Variants in GRM5 observed in about 807,000 individuals in gnomAD.
GRM5 encodes metabotropic glutamate receptor 5.
In GRM5, 19 loss-of-function variants were observed where a neutral mutation model predicts 83.1. That is an observed-to-expected ratio of 0.23 (90% confidence interval 0.16 to 0.34). The LOEUF is 0.34. GRM5 is among the 10% of genes least tolerant of loss of function. The pLI is 1.00. For missense variants in GRM5, 1,160 were observed against 1,588.3 expected, an observed-to-expected ratio of 0.73 and a Z score of 4.58; for synonymous variants, 675 against 633.6, an observed-to-expected ratio of 1.07 and a Z score of -0.98.
intron 3 of GRM5, among the ~76,000 whole-genome samples, chr11:88,693,354 A>C (rs1940826456): frequency 6.6e-6 from 1 of 152,200 alleles, no homozygotes; most frequent in Admixed American, 6.5e-5. Flanking sequence ...GTGAGGAGAT[A>C]GGAAAGGGAA....
chr11:88,908,757 C>CT (rs1201818805), intron 2 of GRM5, among the ~76,000 whole-genome samples: 1 of 152,008 alleles, frequency 6.6e-6, no homozygotes, highest in Non-Finnish European at 1.5e-5. Context: ...TGTGAAAATC[C>CT]TTTTAATATC....
rs1446960847 is a variant in GRM5, at chr11:88,602,653, T to C, written c.1394+2065A>G. On this transcript the variant is annotated intron_variant, in intron 5 of 9. Coordinates refer to ENST00000305447, the MANE Select transcript of GRM5 (RefSeq NM_001143831.3). ...TCTTTAAAATTTTGATCCTGGTTGATTAATTGTCAGGCTGTTGTATAATGT... is the reference window on the plus strand; with the variant it reads ...TCTTTAAAATTTTGATCCTGGTTGACTAATTGTCAGGCTGTTGTATAATGT... Among the ~76,000 whole-genome samples, 3 of 152,352 alleles carry C rather than the reference T, an allele frequency of 2.0e-5. No homozygotes were observed. The East Asian group carries it at 5.8e-4, about 29-fold the overall frequency.
In GRM5 at chr11:88,946,991, T is replaced by A. The variant is rs549463381; in HGVS notation, c.662-96836A>T. Among the ~76,000 whole-genome samples the A allele has an allele frequency of 7.9e-5, 12 of 152,248 alleles. No individual in the cohort carries two copies. The South Asian group carries it at 2.3e-3, about 29-fold the overall frequency. ...CCTATGGGGAAAATCTTTGCATAGGTAGACTCACTGAGGAATCTAACAAGT... is the reference window on the plus strand; with the variant it reads ...CCTATGGGGAAAATCTTTGCATAGGAAGACTCACTGAGGAATCTAACAAGT... On this transcript the variant is annotated intron_variant, in intron 2 of 9. Coordinates refer to ENST00000305447, the MANE Select transcript of GRM5 (RefSeq NM_001143831.3).
intron 2 of GRM5, among the ~76,000 whole-genome samples, chr11:88,872,634 A>G (rs899993922): frequency 2.6e-5 from 4 of 151,372 alleles, no homozygotes; most frequent in Middle Eastern, 3.2e-3. Flanking sequence ...ACAGACCTGA[A>G]TCACTGACAC....
intron 3 of GRM5, among the ~76,000 whole-genome samples, chr11:88,848,010 A>T (rs1363838924): frequency 6.6e-6 from 1 of 152,194 alleles, no homozygotes; most frequent in Non-Finnish European, 1.5e-5. Flanking sequence ...TTTCTTATTA[A>T]TGCTGGCAAA....
intron 3 of GRM5, among the ~76,000 whole-genome samples, chr11:88,658,403 A>G (rs539636639): frequency 6.6e-6 from 1 of 152,278 alleles, no homozygotes; most frequent in Non-Finnish European, 1.5e-5. Context: ...ACAGGCATCC[A>G]TGGTTTTTCC....
At chr11:88,790,543 A>C (rs138396816) in intron 3 of GRM5, among the ~76,000 whole-genome samples, 1 of 152,178 alleles carries the variant, frequency 6.6e-6, no homozygotes, top group Admixed American at 6.6e-5. Context: ...TAATATATAG[A>C]ATAGTACTAG....
rs1283886168 is a variant in GRM5, at chr11:88,590,775, T to C, written c.1564-48A>G. On this transcript the variant is annotated intron_variant, in intron 6 of 9. Transcript: ENST00000305447. ...AGATTTTTTTTTGCATAGATAAAAA[T>C]CCAACAATTCTATATTCCAATGTGC... 4.0e-6 allele frequency: 6 copies of C among 1,484,752 alleles called. No homozygotes were observed. In the South Asian group the frequency reaches 6.9e-5, roughly 17 times the overall value. 92.0% of individuals were successfully genotyped at this position (1,484,752 alleles called of 1,614,324 possible).
At chr11:88,986,290 A>T (rs1591021653) in intron 2 of GRM5, among the ~76,000 whole-genome samples, 1 of 152,214 alleles carries the variant, frequency 6.6e-6, no homozygotes, top group Non-Finnish European at 1.5e-5. Flanking sequence ...TCTTGAAATG[A>T]CAATACTATA....
intron 2 of GRM5, among the ~76,000 whole-genome samples, chr11:88,873,737 C>T: frequency 6.6e-6 from 1 of 151,464 alleles, no homozygotes; most frequent in Non-Finnish European, 1.5e-5. Flanking sequence ...AAGTTTATAG[C>T]AAAAACACTT....
At chr11:88,842,352 T>G (rs1944218929) in intron 3 of GRM5, among the ~76,000 whole-genome samples, 1 of 152,222 alleles carries the variant, frequency 6.6e-6, no homozygotes, top group Non-Finnish European at 1.5e-5. Context: ...AAGGGTGAAC[T>G]GTAGATTTCA....
chr11:88,829,397 G>A (rs1188731737), intron 3 of GRM5, among the ~76,000 whole-genome samples: 1 of 152,122 alleles, frequency 6.6e-6, no homozygotes, highest in Non-Finnish European at 1.5e-5. Context: ...GGAGGTGGAG[G>A]TTTCAGTGAG....
chr11:88,790,200 T>C (rs944315551), intron 3 of GRM5, among the ~76,000 whole-genome samples: 2 of 152,298 alleles, frequency 1.3e-5, no homozygotes, highest in Admixed American at 6.5e-5. Flanking sequence ...CCATATCCTG[T>C]ATGCTATTTT....
At chr11:88,554,989 A>G (rs1008857525) in intron 8 of GRM5, among the ~76,000 whole-genome samples, 1 of 152,250 alleles carries the variant, frequency 6.6e-6, no homozygotes, top group Admixed American at 6.5e-5. Context: ...ACAATTACCC[A>G]CTTGACATAT....
At position 88,979,814 on chromosome 11, in the gene GRM5, C is replaced by T. The variant is rs141622614; in HGVS notation, c.661+67398G>A. Among the ~76,000 whole-genome samples, 91 of 152,076 alleles carry T rather than the reference C, an allele frequency of 6.0e-4. 1 individual carries two copies. The highest frequency in any genetic ancestry group is 2.0e-3 in the African/African-American group (83 of 41,500). On this transcript the variant is annotated intron_variant, in intron 2 of 9. Transcript: ENST00000305447. ...ATCACTTCCTAATAGGGGCTTGAGC[C>T]GAAATCAATGAGTAACTGAGCAGAC... is the stretch of plus-strand genomic sequence containing the variant.
chr11:88,798,596 C>T (rs1336454167), intron 3 of GRM5, among the ~76,000 whole-genome samples: 1 of 151,862 alleles, frequency 6.6e-6, no homozygotes, highest in African/African-American at 2.4e-5. Flanking sequence ...TATGTATTTT[C>T]CCCAGGTTTA....
intron 3 of GRM5, among the ~76,000 whole-genome samples, chr11:88,832,102 G>T (rs1944005949): frequency 6.6e-6 from 1 of 152,092 alleles, no homozygotes; most frequent in East Asian, 1.9e-4. Context: ...TACTGACACT[G>T]CCTATACCCA....
At position 88,521,064 on chromosome 11, in the gene GRM5, G is replaced by C. The variant is rs186018158; in HGVS notation, c.2726+4245C>G. Among the ~76,000 whole-genome samples the C allele has an allele frequency of 4.6e-3, 695 of 152,194 alleles. 6 individuals are homozygous for C. Among genetic ancestry groups the C allele is most frequent in the Non-Finnish European group, 6.8e-3 (464 of 67,972 alleles). On this transcript the variant is annotated intron_variant, in intron 9 of 9. Transcript: ENST00000305447. ...CTGACGGAGCCCTTCCTCAAAGAGA[G>C]ACTAGGAGGCTCAGAATGTCTTTGT...
chr11:88,952,400 G>T (rs1590991961), intron 2 of GRM5, among the ~76,000 whole-genome samples: 1 of 152,298 alleles, frequency 6.6e-6, no homozygotes, highest in East Asian at 1.9e-4. Context: ...ACACTAGCCT[G>T]AAGGCTGCAC....
Sources: gnomAD v4.1 joint callset for allele counts (sites outside exome capture counted in the v4.1 genomes callset) on GRCh38, gnomAD v4.1.1 for gene constraint, MANE v1.5 for transcripts, NCBI Gene and HGNC (gene_info 2026-07-23, HGNC 2026-07-21) for gene names.